The following CACNG3 variants were observed in gnomAD, a reference collection of about 807,000 sequenced individuals.
CACNG3 encodes the protein voltage-dependent calcium channel gamma-3 subunit.
CACNG3 carries 3 observed loss-of-function variants against 28.5 expected under a neutral mutation model. That is an observed-to-expected ratio of 0.11 (90% CI 0.05 to 0.27). CACNG3 has a LOEUF of 0.27. Among genes scored for constraint, CACNG3 ranks in the 10% least tolerant of loss-of-function variants. The pLI is 1.00. For missense variants in CACNG3, 236 were observed against 414.4 expected, an observed-to-expected ratio of 0.57 and a Z score of 3.74; for synonymous variants, 174 against 162.2, an observed-to-expected ratio of 1.07 and a Z score of -0.55.
intron 1 of CACNG3, among the ~76,000 whole-genome samples, chr16:24,300,601 A>G (rs2141359773): frequency 6.7e-6 from 1 of 148,420 alleles, no homozygotes; most frequent in African/African-American, 2.5e-5. Flanking sequence ...TCTCTTGTTA[A>G]TTAAAAAACA....
intron 3 of CACNG3, among the ~76,000 whole-genome samples, chr16:24,358,185 A>G (rs1319947250): frequency 6.6e-6 from 1 of 152,154 alleles, no homozygotes; most frequent in East Asian, 1.9e-4. Flanking sequence ...GCTGGGGGGA[A>G]AAAAGAGAAA....
chr16:24,320,613 G>C (rs930631155), intron 1 of CACNG3, among the ~76,000 whole-genome samples: 1 of 152,090 alleles, frequency 6.6e-6, no homozygotes, highest in African/African-American at 2.4e-5. Context: ...GAAAGTTAAT[G>C]AGTATTTCAC....
chr16:24,282,786 C>T (rs553501230), intron 1 of CACNG3, among the ~76,000 whole-genome samples: 2 of 151,948 alleles, frequency 1.3e-5, no homozygotes, highest in South Asian at 4.2e-4. Flanking sequence ...ATTTCTGAAC[C>T]TTCTATTCTT....
chr16:24,277,108 G>GT (rs1390565619), intron 1 of CACNG3, among the ~76,000 whole-genome samples: 2 of 152,114 alleles, frequency 1.3e-5, no homozygotes, highest in Non-Finnish European at 2.9e-5. Context: ...GAATGTTTTT[G>GT]TTTGTTGTTT....
At chr16:24,325,330 A>G (rs1395070825) in intron 1 of CACNG3, among the ~76,000 whole-genome samples, 1 of 152,190 alleles carries the variant, frequency 6.6e-6, no homozygotes, top group Non-Finnish European at 1.5e-5. Flanking sequence ...GACAAAAGAA[A>G]CATCATCAGG....
At chr16:24,293,279 C>T (rs1898988679) in intron 1 of CACNG3, among the ~76,000 whole-genome samples, 1 of 152,146 alleles carries the variant, frequency 6.6e-6, no homozygotes, top group African/African-American at 2.4e-5. Flanking sequence ...TGGGGAGTGG[C>T]ACTGTTTTCT....
chr16:24,340,688 C>A (rs1899774099), intron 1 of CACNG3, among the ~76,000 whole-genome samples: 1 of 152,186 alleles, frequency 6.6e-6, no homozygotes, highest in African/African-American at 2.4e-5. Flanking sequence ...GAAGCTGTGG[C>A]CACCAAAAAG....
At chr16:24,263,647 T>C (rs1349949419) in intron 1 of CACNG3, among the ~76,000 whole-genome samples, 2 of 152,204 alleles carry the variant, frequency 1.3e-5, no homozygotes, top group African/African-American at 4.8e-5. Context: ...ATTTACTGAC[T>C]ATGAGACCTT....
chr16:24,274,921 G>A (rs1376431129), intron 1 of CACNG3, among the ~76,000 whole-genome samples: 1 of 152,112 alleles, frequency 6.6e-6, no homozygotes, highest in Non-Finnish European at 1.5e-5. Context: ...ACAAACTTAG[G>A]TATTTTAAAT....
chr16:24,349,603 G>A (rs536763468), intron 2 of CACNG3, among the ~76,000 whole-genome samples: 2 of 152,304 alleles, frequency 1.3e-5, no homozygotes, highest in Non-Finnish European at 2.9e-5. Context: ...AAAGTGTCAC[G>A]GCGCTGGCGA....
At chr16:24,272,807 A>G (rs1397290406) in intron 1 of CACNG3, among the ~76,000 whole-genome samples, 1 of 152,064 alleles carries the variant, frequency 6.6e-6, no homozygotes, top group Non-Finnish European at 1.5e-5. Context: ...TTTGGTGCCT[A>G]TTTAGTACTT....
At chr16:24,263,471 C>T in intron 1 of CACNG3, among the ~76,000 whole-genome samples, 1 of 151,942 alleles carries the variant, frequency 6.6e-6, no homozygotes. Context: ...TGTAGAAAAC[C>T]CCAAGGTTGT....
At chr16:24,332,950 G>C (rs1453985056) in intron 1 of CACNG3, among the ~76,000 whole-genome samples, 1 of 152,154 alleles carries the variant, frequency 6.6e-6, no homozygotes, top group Non-Finnish European at 1.5e-5. Flanking sequence ...GAGCCTGCTG[G>C]AGGGACACAA....
chr16:24,315,279 C>T (rs1163836450), intron 1 of CACNG3, among the ~76,000 whole-genome samples: 3 of 152,060 alleles, frequency 2.0e-5, no homozygotes, highest in South Asian at 2.1e-4. Flanking sequence ...CCCAGACATT[C>T]GGCAGGGGGA....
Position 24,334,475 on chromosome 16 carries a change from C to T in CACNG3, c.212-12259C>T, listed in dbSNP as rs989549479. ...CAGCCACCAAAATCTGCCCCAGGACCCTCCGTGTGGGCTGTGCAGAGGAGA... is the reference window on the plus strand; with the variant it reads ...CAGCCACCAAAATCTGCCCCAGGACTCTCCGTGTGGGCTGTGCAGAGGAGA... On this transcript the variant is annotated intron_variant, in intron 1 of 3. Transcript: ENST00000005284. Among the ~76,000 whole-genome samples the T allele has an allele frequency of 5.3e-5, 8 of 152,286 alleles. No individual in the cohort carries two copies. The South Asian group carries it at 1.7e-3, about 32-fold the overall frequency.
intron 1 of CACNG3, among the ~76,000 whole-genome samples, chr16:24,308,212 G>T (rs189880148): frequency 6.6e-6 from 1 of 152,252 alleles, no homozygotes; most frequent in African/African-American, 2.4e-5. Context: ...TATAAACGGT[G>T]GAATGACCGC....
chr16:24,317,552 GAAAAAGAAAGAAAGAAAGAA>G (rs1899369492), intron 1 of CACNG3, among the ~76,000 whole-genome samples: 13 of 63,224 alleles, frequency 2.1e-4, no homozygotes. Context: ...AAAAAAAAAA[GAAAAAGAAAGAAAGAAAGAA>G]AGAAAGAAAG....
intron 1 of CACNG3, among the ~76,000 whole-genome samples, chr16:24,272,862 A>G (rs1284059005): frequency 6.6e-6 from 1 of 152,080 alleles, no homozygotes; most frequent in African/African-American, 2.4e-5. Flanking sequence ...TTTTATTTTA[A>G]GTTCAGGGGT....
chr16:24,312,877 G>T (rs1203719374), intron 1 of CACNG3, among the ~76,000 whole-genome samples: 1 of 120,466 alleles, frequency 8.3e-6, no homozygotes, highest in Non-Finnish European at 1.7e-5. Flanking sequence ...AGGAAGGAAA[G>T]AAAAAAAAGA....
Sources: allele counts gnomAD v4.1 joint callset (sites outside exome capture counted in the v4.1 genomes callset), GRCh38; gene constraint gnomAD v4.1.1; transcripts MANE v1.5; gene names NCBI Gene and HGNC (gene_info 2026-07-23, HGNC 2026-07-21).